LRRC18: variants seen among roughly 807,000 people sequenced by gnomAD.
LRRC18 encodes leucine rich repeat containing 18.
Under a neutral mutation model 11.2 loss-of-function variants are expected in LRRC18, and 12 were observed. The ratio of observed to expected loss-of-function variants is 1.07; its 90% CI spans 0.69 to 1.74. The LOEUF (loss-of-function observed/expected upper bound fraction) is 1.74, where lower values mean the gene tolerates loss of function less well. LRRC18 is among the 40% of genes most tolerant of loss of function. LRRC18 has a pLI of 0.00. For missense variants in LRRC18, 374 were observed against 330.5 expected, an observed-to-expected ratio of 1.13 and a Z score of -1.02; for synonymous variants, 155 against 130.6, an observed-to-expected ratio of 1.19 and a Z score of -1.27.
the LRRC18 span, among the ~76,000 whole-genome samples, chr10:48,922,708 T>C: frequency 6.6e-6 from 1 of 152,202 alleles, no homozygotes; most frequent in African/African-American, 2.4e-5. Flanking sequence ...AATGGAATAC[T>C]ACTAAACACA....
the LRRC18 span, among the ~76,000 whole-genome samples, chr10:48,924,441 G>A: frequency 6.6e-6 from 1 of 152,238 alleles, no homozygotes; most frequent in Non-Finnish European, 1.5e-5. Flanking sequence ...CCACACAAGG[G>A]AAGCTGATAG....
chr10:48,913,551 T>C, exon 1 of LRRC18: 4 of 1,613,958 alleles, frequency 2.5e-6, no homozygotes, highest in Non-Finnish European at 3.4e-6. Context: ...ATCCTTCTCC[T>C]CCACAACATA....
At chr10:48,935,684 A>G in the LRRC18 span, among the ~76,000 whole-genome samples, 838 of 152,076 alleles carry the variant, frequency 5.5e-3, 3 homozygotes, top group East Asian at 0.014. Flanking sequence ...CCCTTTTTCC[A>G]CTGTTAAATC....
upstream of LRRC18, among the ~76,000 whole-genome samples, chr10:48,918,776 G>C (rs1441936611): frequency 1.3e-5 from 2 of 152,174 alleles, no homozygotes; most frequent in Non-Finnish European, 2.9e-5. Flanking sequence ...AGGGCTTGGG[G>C]GAAGACCTGC....
At chr10:48,914,386 G>T (rs1838306308), upstream of LRRC18, among the ~76,000 whole-genome samples, 1 of 152,208 alleles carries the variant, frequency 6.6e-6, no homozygotes, top group Admixed American at 6.5e-5. Context: ...GCCATAGATT[G>T]TCAGCAAACT....
the LRRC18 span, among the ~76,000 whole-genome samples, chr10:48,934,245 C>A: frequency 1.3e-5 from 2 of 152,186 alleles, no homozygotes; most frequent in African/African-American, 4.8e-5. Flanking sequence ...ATTATGTGCC[C>A]GACCCTTTGC....
the LRRC18 span, among the ~76,000 whole-genome samples, chr10:48,930,736 T>G: frequency 6.6e-6 from 1 of 152,062 alleles, no homozygotes; most frequent in Non-Finnish European, 1.5e-5. Flanking sequence ...GATGAGTGAT[T>G]AAATAATTAA....
the LRRC18 span, among the ~76,000 whole-genome samples, chr10:48,937,870 G>C: frequency 6.6e-6 from 1 of 152,274 alleles, no homozygotes; most frequent in African/African-American, 2.4e-5. Flanking sequence ...TAAATGGGGA[G>C]AGAGGGAGTG....
chr10:48,937,443 G>A, the LRRC18 span, among the ~76,000 whole-genome samples: 3,629 of 152,196 alleles, frequency 0.024, 155 homozygotes, highest in African/African-American at 0.083. Context: ...TCAGCGTGTC[G>A]GTGTTTATGC....
the LRRC18 span, among the ~76,000 whole-genome samples, chr10:48,927,911 A>G: frequency 6.6e-6 from 1 of 152,240 alleles, no homozygotes; most frequent in African/African-American, 2.4e-5. Flanking sequence ...TATTAAGATG[A>G]TTAGTTTAAC....
At chr10:48,911,524 G>A (rs1217346615) in intron 1 of LRRC18, among the ~76,000 whole-genome samples, 1 of 152,086 alleles carries the variant, frequency 6.6e-6, no homozygotes, top group Non-Finnish European at 1.5e-5. Context: ...ATAACTTAAA[G>A]GTACAACAGT....
At chr10:48,912,050 C>T (rs4838657) in intron 1 of LRRC18, among the ~76,000 whole-genome samples, 43,478 of 152,050 alleles carry the variant, frequency 0.29, 7,536 homozygotes, top group East Asian at 0.72. Context: ...ATAGGAAAGT[C>T]CTGGGGGAAA....
At chr10:48,937,456 G>C in the LRRC18 span, among the ~76,000 whole-genome samples, 7 of 152,142 alleles carry the variant, frequency 4.6e-5, 1 homozygote, top group Non-Finnish European at 8.8e-5. Flanking sequence ...GTTTATGCTG[G>C]CTGCTCTGTG....
the LRRC18 span, among the ~76,000 whole-genome samples, chr10:48,931,923 G>C: frequency 6.6e-6 from 1 of 152,224 alleles, no homozygotes; most frequent in African/African-American, 2.4e-5. Flanking sequence ...GCAGCTTCTA[G>C]ATAGGATGGC....
chr10:48,913,025 G>A (rs1838146224), intron 1 of LRRC18, among the ~76,000 whole-genome samples: 1 of 152,186 alleles, frequency 6.6e-6, no homozygotes, highest in Non-Finnish European at 1.5e-5. Context: ...TTGGGATCTG[G>A]CAGTGGGCTC....
chr10:48,912,088 A>G (rs1198273862), intron 1 of LRRC18, among the ~76,000 whole-genome samples: 1 of 152,192 alleles, frequency 6.6e-6, no homozygotes. Context: ...ATCATTCTTG[A>G]TCTTTTCTTT....
chr10:48,931,093 TCAAACACACACACA>T, the LRRC18 span, among the ~76,000 whole-genome samples: 2 of 44,314 alleles, frequency 4.5e-5, no homozygotes, highest in Non-Finnish European at 9.9e-5. Context: ...ACACTCACAC[TCAAACACACACACA>T]CACACACACA....
intron 1 of LRRC18, among the ~76,000 whole-genome samples, chr10:48,913,105 C>G (rs999217904): frequency 2.0e-5 from 3 of 152,178 alleles, no homozygotes; most frequent in Admixed American, 2.0e-4. Context: ...CAAGAGAGAT[C>G]TGGGGGCAAG....
upstream of LRRC18, among the ~76,000 whole-genome samples, chr10:48,919,041 G>A (rs1405154406): frequency 6.6e-6 from 1 of 152,102 alleles, no homozygotes; most frequent in Non-Finnish European, 1.5e-5. Context: ...AGTACATATG[G>A]AATATCCACT....
Sources: gnomAD v4.1 joint callset for allele counts (sites outside exome capture counted in the v4.1 genomes callset) on GRCh38, gnomAD v4.1.1 for gene constraint, MANE v1.5 for transcripts, NCBI Gene and HGNC (gene_info 2026-07-23, HGNC 2026-07-21) for gene names.